Variants in EIF3A observed in about 807,000 individuals in gnomAD.
EIF3A encodes the protein EIF3, p180 subunit.
Under a neutral mutation model 186.6 loss-of-function variants are expected in EIF3A, and 21 were observed. That is an observed-to-expected ratio of 0.11 (90% CI 0.08 to 0.16). EIF3A has a LOEUF of 0.16. Ranked by LOEUF, EIF3A falls within the 10% of genes least tolerant of loss-of-function variation. The probability of loss-of-function intolerance (pLI) is 1.00; values close to 1 mark genes in which losing one functional copy is unlikely to be tolerated. For synonymous variants in EIF3A, 563 were observed against 584.3 expected, an observed-to-expected ratio of 0.96 and a Z score of 0.52; for missense variants, 1,306 against 1,796.3, an observed-to-expected ratio of 0.73 and a Z score of 4.93.
chr10:119,076,257 C>G (rs1444650216), intron 1 of EIF3A, among the ~76,000 whole-genome samples: 3 of 148,842 alleles, frequency 2.0e-5, no homozygotes, highest in Admixed American at 6.7e-5. Flanking sequence ...TACTTGAATT[C>G]AGGAGGCGGA....
chr10:119,042,175 A>T lies in EIF3A; in HGVS notation c.3345T>A (p.Asp1115Glu). Reference protein sequence around the residue: ...DDRGPRRGLDDDRGPWRNADD... With the variant: ...DDRGPRRGLDEDRGPWRNADD... The stretch of plus-strand genomic sequence containing the variant: ...CGGCGTTCCTCCAAGGTCCTCGATC[A>T]TCATCCAACCCTCGCCTGGGACCCC... Residue 1115 changes from aspartate (D) to glutamate (E), a missense_variant, in exon 19 of 22, where the codon GAT becomes GAA. Asp to Glu is a conservative substitution (Grantham distance 45). This residue lies in a region of EIF3A where 331 missense variants were observed against 365.8 expected (regional missense o/e 0.90). Coordinates refer to ENST00000369144, the MANE Select transcript of EIF3A (RefSeq NM_003750.4). This position sits in a 1 kb window ranked among gnomAD's most constrained non-coding sequence, Gnocchi z 7.8. The T allele has an allele frequency of 6.2e-7, 1 of 1,613,956 alleles. No individual in the cohort carries two copies. Among genetic ancestry groups the T allele is most frequent in the Non-Finnish European group, 8.5e-7 (1 of 1,179,990 alleles).
intron 14 of EIF3A, among the ~76,000 whole-genome samples, chr10:119,056,432 T>G (rs1462136216): frequency 2.0e-5 from 3 of 152,202 alleles, no homozygotes; most frequent in Non-Finnish European, 4.4e-5. Flanking sequence ...TGGAGATGGC[T>G]GCACAATTCT....
intron 21 of EIF3A, 91 bp downstream of exon 21, chr10:119,037,028 T>G: frequency 1.1e-6 from 1 of 921,988 alleles, no homozygotes; most frequent in Non-Finnish European, 1.7e-6. Flanking sequence ...TTGGCCTTCA[T>G]ACAAATTTAT....
chr10:119,042,756 C>T lies in EIF3A; in HGVS notation c.2764G>A (p.Glu922Lys). 2 of 1,605,394 alleles carry T rather than the reference C, an allele frequency of 1.2e-6. No homozygotes were observed. Among genetic ancestry groups the T allele is most frequent in the Non-Finnish European group, 1.7e-6 (2 of 1,175,730 alleles). ...TGAGACCTGTCCTCATCTCGCCCTT[C>T]TCCACGTCTCCACTCCCTACACAGC... ...GPPEKEWRRG[E>K]GRDEDRSHRR... Residue 922 changes from glutamate (E) to lysine (K), a missense_variant, in exon 19 of 22, where the codon GAA (glutamate) becomes AAA (lysine). Around this residue, in one of 8 missense-constraint regions of EIF3A, gnomAD observed 410 missense variants for 473.5 expected, o/e 0.87. Transcript: ENST00000369144. This position sits in a 1 kb window ranked among gnomAD's most constrained non-coding sequence, Gnocchi z 7.8.
At position 119,035,456 on chromosome 10, in the gene EIF3A, C is replaced by G. The variant is rs1848114935; in HGVS notation, c.*583G>C. 2 of 149,152 alleles carry G rather than the reference C, an allele frequency of 1.3e-5. No homozygotes were observed. The highest frequency in any genetic ancestry group is 1.3e-4 in the Admixed American group (2 of 14,902). The allele number at this position is 149,152 out of a possible 1,614,324, so 9.2% of individuals were successfully genotyped here. On this transcript the variant is annotated 3_prime_UTR_variant, in exon 22 of 22. Transcript: ENST00000369144. ...CAACTGCAAATTGCTTTGTACTCAC[C>G]TTCTCTCAAGTAAAATCTAAAGAAA...
In EIF3A at chr10:119,038,226, A is replaced by G. The variant is rs1338786874; in HGVS notation, c.3728+12T>C. 1 of 1,610,422 alleles carries G rather than the reference A, an allele frequency of 6.2e-7. No homozygotes were observed. The highest frequency in any genetic ancestry group is 1.3e-5 in the African/African-American group (1 of 74,862). ...CCCGGCCTCTACAAATAATTTAATT[A>G]GAGCATCACACCTAGGTCTTCTGAA... On this transcript the variant is annotated intron_variant, in intron 20 of 21. Transcript: ENST00000369144.
intron 7 of EIF3A, among the ~76,000 whole-genome samples, chr10:119,062,810 C>T (rs376308175): frequency 4.4e-5 from 6 of 137,298 alleles, no homozygotes; most frequent in African/African-American, 1.4e-4. Context: ...TGCAGTGGCA[C>T]GATATCAGCT....
Position 119,041,515 on chromosome 10 carries a change from T to G in EIF3A, c.3526+479A>C, listed in dbSNP as rs111577392. Among the ~76,000 whole-genome samples, 380 of 152,302 alleles carry G rather than the reference T, an allele frequency of 2.5e-3. 2 individuals are homozygous for G. Among genetic ancestry groups the G allele is most frequent in the African/African-American group, 8.8e-3 (365 of 41,558 alleles). On this transcript the variant is annotated intron_variant, in intron 19 of 21. Coordinates refer to ENST00000369144, the MANE Select transcript of EIF3A (RefSeq NM_003750.4). ...AGGGTCCGGGAGGTCAAGGTTGCAG[T>G]GAGCCATGACTGCACCACTGCATTC... is the stretch of plus-strand genomic sequence containing the variant.
intron 1 of EIF3A, among the ~76,000 whole-genome samples, chr10:119,074,853 G>A (rs1315669781): frequency 7.1e-6 from 1 of 140,330 alleles, no homozygotes; most frequent in Non-Finnish European, 1.5e-5. Flanking sequence ...GGGAGGCAGA[G>A]GTTGCGGTCA....
chr10:119,050,414 A>G (rs1848340752), intron 16 of EIF3A, 107 bp downstream of exon 16: 1 of 1,172,932 alleles, frequency 8.5e-7, no homozygotes, highest in South Asian at 1.5e-5. Context: ...ACAGTGCTAA[A>G]AGGCCAATTA....
At chr10:119,062,743 CTTTTTTTTTT>C (rs372690463) in intron 7 of EIF3A, among the ~76,000 whole-genome samples, 1 of 91,032 alleles carries the variant, frequency 1.1e-5, no homozygotes, top group African/African-American at 4.2e-5. Flanking sequence ...AAGAGATCAC[CTTTTTTTTTT>C]TTTTTTTTTT....
Position 119,037,155 on chromosome 10 carries a change from G to C in EIF3A, c.3883C>G (p.Arg1295Gly). The C allele has an allele frequency of 1.2e-6, 2 of 1,611,916 alleles. No individual in the cohort carries two copies. The highest frequency in any genetic ancestry group is 1.1e-5 in the South Asian group (1 of 91,006). ...TCTGATCTGAGTGGAGGTCCTCTTC[G>C]GTCCCTGTCGTCTCTTAGATCTCGT... is the stretch of plus-strand genomic sequence containing the variant. ...ERRDLRDDRD[R>G]RGPPLRSERE... The change falls in exon 21 of 22, where the codon CGA becomes GGA. Residue 1295 changes from arginine (R) to glycine (G), a missense_variant. Physicochemically the swap from Arg to Gly is moderately radical, Grantham distance 125. Coordinates refer to ENST00000369144, the MANE Select transcript of EIF3A (RefSeq NM_003750.4).
intron 10 of EIF3A, 73 bp from the exon 11 acceptor site, chr10:119,059,470 T>C: frequency 7.6e-7 from 1 of 1,313,716 alleles, no homozygotes; most frequent in Non-Finnish European, 1.1e-6. Flanking sequence ...AAGAATGTCA[T>C]ATACAAAAGC....
chr10:119,038,641 G>A (rs1194502179), intron 19 of EIF3A, among the ~76,000 whole-genome samples: 1 of 152,056 alleles, frequency 6.6e-6, no homozygotes, highest in African/African-American at 2.4e-5. Context: ...AACTTAAAAT[G>A]GGCCGGGCAT....
In EIF3A at chr10:119,042,052, CCGATCATCATCAGCACGTCTTGAAAGG is replaced by C. The variant is rs750573258; in HGVS notation, c.3441_3467del (p.Leu1148_Arg1156del). 1.2e-6 allele frequency: 2 copies of C among 1,614,172 alleles called. No individual in the cohort carries two copies. Among genetic ancestry groups the C allele is most frequent in the East Asian group, 2.2e-5 (1 of 44,884 alleles). ...TTGAGTCATCACCCCGTCTGGGAAA[CCGATCATCATCAGCACGTCTTGAAAGG>C]CGATCATCATCCATGTTTCTCCAAG... On this transcript the variant is annotated inframe_deletion, in exon 19 of 22. Transcript: ENST00000369144. This position sits in a 1 kb window ranked among gnomAD's most constrained non-coding sequence, Gnocchi z 7.8.
Position 119,033,945 on chromosome 10 carries a change from G to A in EIF3A, c.*2094C>T, listed in dbSNP as rs906378190. On this transcript the variant is annotated 3_prime_UTR_variant, in exon 22 of 22. Transcript: ENST00000369144. ...ACGTTATAGATGCCAGCCACCTCCT[G>A]GTAGTCACTATGGACAACTAATGAG... 1 of 166,606 alleles carries A rather than the reference G, an allele frequency of 6.0e-6. No individual in the cohort carries two copies. Among genetic ancestry groups the A allele is most frequent in the African/African-American group, 2.4e-5 (1 of 41,294 alleles). The allele number at this position is 166,606 out of a possible 1,614,324, so 10.3% of individuals were successfully genotyped here.
At chr10:119,078,557 G>A (rs1266284406) in intron 1 of EIF3A, among the ~76,000 whole-genome samples, 6 of 151,970 alleles carry the variant, frequency 3.9e-5, no homozygotes, top group African/African-American at 9.7e-5. Flanking sequence ...GACCATCCAC[G>A]ATCTGCTCAC....
chr10:119,073,522 T>C lies in EIF3A; in HGVS notation c.296A>G (p.Glu99Gly), dbSNP rs772781682. The change falls in exon 3 of 22, where the codon GAA becomes GGA. Residue 99 changes from glutamate to glycine, a missense_variant. By Grantham distance (98) the Glu-to-Gly change is moderately conservative. Transcript: ENST00000369144. Reference protein sequence around the residue: ...VVRAYLKMAEEKTEAAKEESQ... With the variant: ...VVRAYLKMAEGKTEAAKEESQ... The stretch of plus-strand genomic sequence containing the variant: ...TTCTTCTTTAGCAGCTTCAGTTTTT[T>C]CCTCTGCCATTTTCAAATATGCCCT... 6.8e-6 allele frequency: 11 copies of C among 1,611,872 alleles called. No homozygotes were observed. In the South Asian group the frequency reaches 9.9e-5, roughly 14 times the overall value.
At chr10:119,055,359 C>T (rs947953141) in intron 14 of EIF3A, among the ~76,000 whole-genome samples, 2 of 152,058 alleles carry the variant, frequency 1.3e-5, no homozygotes. Context: ...GAGTGTGGTT[C>T]GTGGCACCCC....
Sources: gnomAD v4.1 joint callset for allele counts (sites outside exome capture counted in the v4.1 genomes callset) on GRCh38, gnomAD v4.1.1 for gene constraint, gnomAD v4.1.1 regional missense constraint, Gnocchi (gnomAD v3.1) non-coding constraint, MANE v1.5 for transcripts, NCBI Gene and HGNC (gene_info 2026-07-23, HGNC 2026-07-21) for gene names.